The following RGS6 variants were observed in gnomAD, a reference collection of about 807,000 sequenced individuals.
The protein encoded by RGS6 is regulator of G-protein signaling 6.
RGS6 carries 30 observed loss-of-function variants against 78.5 expected under a neutral mutation model. The observed-to-expected ratio is 0.38, with a 90% CI of 0.29 to 0.52. The LOEUF (loss-of-function observed/expected upper bound fraction) is 0.52, where lower values mean the gene tolerates loss of function less well. RGS6 is among the 20% of genes least tolerant of loss of function. The probability of loss-of-function intolerance (pLI) is 0.85; values close to 1 mark genes in which losing one functional copy is unlikely to be tolerated. For synonymous variants in RGS6, 206 were observed against 206.0 expected (o/e 1.00, Z 0.00); for missense variants, 495 against 609.7 (o/e 0.81, Z 1.98).
At chr14:72,006,880 A>C (rs2084672273) in intron 2 of RGS6, among the ~76,000 whole-genome samples, 1 of 152,214 alleles carries the variant, frequency 6.6e-6, no homozygotes, top group Non-Finnish European at 1.5e-5. Flanking sequence ...GTAAGGATTA[A>C]GGACCATGTT....
chr14:72,612,988 T>C, the RGS6 span, among the ~76,000 whole-genome samples: 3 of 105,488 alleles, frequency 2.8e-5, no homozygotes, highest in Non-Finnish European at 6.1e-5. Flanking sequence ...GTTCATTAAG[T>C]AGGGCGTGTG....
intron 3 of RGS6, among the ~76,000 whole-genome samples, chr14:72,434,821 T>C (rs1294924458): frequency 6.6e-6 from 1 of 152,242 alleles, no homozygotes; most frequent in Non-Finnish European, 1.5e-5. Flanking sequence ...CTTGAGCCTC[T>C]GTGATGTAAA....
chr14:72,035,507 C>T (rs1374841210), intron 2 of RGS6, among the ~76,000 whole-genome samples: 4 of 151,876 alleles, frequency 2.6e-5, no homozygotes, highest in Non-Finnish European at 5.9e-5. Flanking sequence ...CCCTCTTTCT[C>T]GCAACTTTGG....
chr14:72,621,635 G>T, the RGS6 span, among the ~76,000 whole-genome samples: 1 of 152,222 alleles, frequency 6.6e-6, no homozygotes, highest in Admixed American at 6.5e-5. Flanking sequence ...TGCTATGTAA[G>T]AGTAGATACC....
intron 15 of RGS6, among the ~76,000 whole-genome samples, chr14:72,528,028 G>A (rs766388633): frequency 2.0e-5 from 3 of 152,200 alleles, no homozygotes; most frequent in Admixed American, 6.5e-5. Context: ...TGAGATCTGT[G>A]CTGTCTTAGG....
At chr14:72,291,132 C>G (rs936105936) in intron 2 of RGS6, among the ~76,000 whole-genome samples, 1 of 151,862 alleles carries the variant, frequency 6.6e-6, no homozygotes, top group African/African-American at 2.4e-5. Flanking sequence ...TGTTTCAACT[C>G]GTCATTCCCT....
intron 6 of RGS6, among the ~76,000 whole-genome samples, chr14:72,465,096 A>G (rs542214413): frequency 1.3e-5 from 2 of 152,346 alleles, no homozygotes; most frequent in South Asian, 4.1e-4. Context: ...TTCCTCAAAA[A>G]GGACACATAT....
intron 2 of RGS6, among the ~76,000 whole-genome samples, chr14:72,071,149 A>G (rs538108336): frequency 6.6e-6 from 1 of 152,178 alleles, no homozygotes; most frequent in Admixed American, 6.5e-5. Flanking sequence ...TTTAAACATT[A>G]TGTGAATTGA....
intron 2 of RGS6, among the ~76,000 whole-genome samples, chr14:71,967,126 T>C (rs2093568918): frequency 6.6e-6 from 1 of 151,792 alleles, no homozygotes; most frequent in Admixed American, 6.6e-5. Context: ...TGTAGTTCTT[T>C]AGAGAAATGA....
chr14:71,894,600 A>T, the RGS6 span, among the ~76,000 whole-genome samples: 1 of 152,130 alleles, frequency 6.6e-6, no homozygotes, highest in African/African-American at 2.4e-5. Flanking sequence ...CTTGCGTGAG[A>T]ACCAAGAACT....
chr14:72,485,241 C>T (rs1238495503), intron 12 of RGS6, among the ~76,000 whole-genome samples: 1 of 152,158 alleles, frequency 6.6e-6, no homozygotes, highest in African/African-American at 2.4e-5. Flanking sequence ...TCTTCCATCT[C>T]ATCCCAATTC....
chr14:72,350,103 C>T lies in RGS6; in HGVS notation c.85-1992C>T, dbSNP rs186606902. Among the ~76,000 whole-genome samples the T allele has an allele frequency of 2.7e-4, 41 of 152,290 alleles. 1 individual carries two copies. The East Asian group carries it at 6.2e-3, about 23-fold the overall frequency. ...GATTAACATGAATTGGGATAAAACTCCCTCTTCAGTTTTCATCTAACAGAA... is the reference window on the plus strand; with the variant it reads ...GATTAACATGAATTGGGATAAAACTTCCTCTTCAGTTTTCATCTAACAGAA... On this transcript the variant is annotated intron_variant, in intron 2 of 17. Transcript: ENST00000553525.
At chr14:72,584,456 T>C in the RGS6 span, among the ~76,000 whole-genome samples, 1 of 152,234 alleles carries the variant, frequency 6.6e-6, no homozygotes, top group African/African-American at 2.4e-5. Flanking sequence ...CTACTTTAGA[T>C]TGGGTGGTCA....
At chr14:71,913,813 T>C in the RGS6 span, among the ~76,000 whole-genome samples, 6 of 152,228 alleles carry the variant, frequency 3.9e-5, no homozygotes, top group Non-Finnish European at 8.8e-5. Context: ...TGCTTCTTGT[T>C]AAGCAAGACA....
the RGS6 span, among the ~76,000 whole-genome samples, chr14:71,886,047 A>G: frequency 7.4e-5 from 11 of 148,702 alleles, no homozygotes; most frequent in Admixed American, 2.7e-4. Context: ...TATTTTATTC[A>G]GAAATGCGTG....
chr14:72,111,345 C>T (rs1426616589), intron 2 of RGS6, among the ~76,000 whole-genome samples: 1 of 152,118 alleles, frequency 6.6e-6, no homozygotes, highest in African/African-American at 2.4e-5. Flanking sequence ...CCAGGACAAT[C>T]AGAAACAAAT....
At chr14:72,026,339 A>T (rs2089848098) in intron 2 of RGS6, among the ~76,000 whole-genome samples, 1 of 152,236 alleles carries the variant, frequency 6.6e-6, no homozygotes, top group Non-Finnish European at 1.5e-5. Flanking sequence ...CCCAGGAGGC[A>T]GAGGTTGCAG....
At chr14:72,595,032 T>C in the RGS6 span, 2 of 152,304 alleles carry the variant, frequency 1.3e-5, no homozygotes, top group East Asian at 3.9e-4. Flanking sequence ...CATATTTTCA[T>C]AGTCTTTGCT....
intron 1 of RGS6, among the ~76,000 whole-genome samples, chr14:71,943,919 G>A (rs2091058049): frequency 6.6e-6 from 1 of 152,144 alleles, no homozygotes; most frequent in Non-Finnish European, 1.5e-5. Flanking sequence ...TGGTATGAGT[G>A]TGGATGCAAG....
Sources: gnomAD v4.1 joint callset for allele counts (sites outside exome capture counted in the v4.1 genomes callset) on GRCh38, gnomAD v4.1.1 for gene constraint, MANE v1.5 for transcripts, NCBI Gene and HGNC (gene_info 2026-07-23, HGNC 2026-07-21) for gene names.